Variants in NUP210L observed in about 807,000 individuals in gnomAD.
NUP210L encodes nuclear pore membrane glycoprotein 210-like.
Under a neutral mutation model 208.5 loss-of-function variants are expected in NUP210L, and 74 were observed. That is an observed-to-expected ratio of 0.35 (90% CI 0.29 to 0.43). The LOEUF is 0.43. Among genes scored for constraint, NUP210L ranks in the 20% least tolerant of loss-of-function variants. The pLI, the probability that NUP210L is intolerant of heterozygous loss-of-function variation, is 1.00. For synonymous variants in NUP210L, 780 were observed against 816.9 expected, an observed-to-expected ratio of 0.95 and a Z score of 0.77; for missense variants, 1,843 against 2,289.4, an observed-to-expected ratio of 0.81 and a Z score of 3.98.
intron 29 of NUP210L, 65 bp downstream of exon 29, chr1:154,027,441 T>C: frequency 8.7e-7 from 1 of 1,152,030 alleles, no homozygotes; most frequent in Non-Finnish European, 1.3e-6. Flanking sequence ...TCTTTCTATG[T>C]CAATGTTTTA....
rs906981906 is a variant in NUP210L at position 154,027,424 on chromosome 1, A to G, written c.3947+82T>C. 5 of 991,968 alleles carry G rather than the reference A, an allele frequency of 5.0e-6. No individual in the cohort carries two copies. In the South Asian group the frequency reaches 5.9e-5, roughly 12 times the overall value. 61.4% of individuals were successfully genotyped at this position (991,968 alleles called of 1,614,324 possible). ...TTTGGGAAAAATCTCCTAGAAGGCA[A>G]AAGTGTTCTTTCTATGTCAATGTTT... On this transcript the variant is annotated intron_variant, in intron 29 of 39. Coordinates refer to ENST00000368559, the Ensembl canonical transcript of NUP210L.
chr1:154,133,579 C>A (rs1197481619), intron 7 of NUP210L, among the ~76,000 whole-genome samples: 1 of 151,534 alleles, frequency 6.6e-6, no homozygotes, highest in Non-Finnish European at 1.5e-5. Flanking sequence ...GTGGCTCATG[C>A]CTGGAATCCT....
intron 10 of NUP210L, among the ~76,000 whole-genome samples, chr1:154,124,903 T>C (rs949659677): frequency 1.2e-4 from 18 of 151,988 alleles, no homozygotes; most frequent in Non-Finnish European, 2.2e-4. Flanking sequence ...AGGTAAGCTA[T>C]GATGATGCCA....
intron 2 of NUP210L, among the ~76,000 whole-genome samples, chr1:154,151,259 T>C (rs1044481089): frequency 2.4e-5 from 3 of 124,178 alleles, no homozygotes; most frequent in Non-Finnish European, 3.2e-5. Context: ...AAGATTCTTA[T>C]GTTTGAGACT....
chr1:154,058,027 T>G, intron 22 of NUP210L, 62 bp downstream of exon 22: 1 of 1,571,240 alleles, frequency 6.4e-7, no homozygotes. Context: ...GCTGACCAGG[T>G]CACTAGGAGG....
intron 11 of NUP210L, among the ~76,000 whole-genome samples, 160 bp downstream of exon 11, chr1:154,118,511 T>C (rs770499615): frequency 3.9e-5 from 6 of 152,218 alleles, no homozygotes; most frequent in Admixed American, 1.3e-4. Context: ...AGTCTTGTTA[T>C]AGATGACATT....
At chr1:153,996,962 C>T (rs955177997) in intron 37 of NUP210L, among the ~76,000 whole-genome samples, 5 of 150,656 alleles carry the variant, frequency 3.3e-5, no homozygotes, top group African/African-American at 9.8e-5. Flanking sequence ...CCATCATGTC[C>T]GACTTTTTTT....
intron 14 of NUP210L, among the ~76,000 whole-genome samples, chr1:154,096,078 A>G (rs1336206998): frequency 6.6e-6 from 1 of 152,102 alleles, no homozygotes; most frequent in Non-Finnish European, 1.5e-5. Context: ...TATTTCTCCT[A>G]ATGCTATCCA....
At chr1:154,119,119 C>G (rs1657483034) in intron 10 of NUP210L, among the ~76,000 whole-genome samples, 1 of 151,924 alleles carries the variant, frequency 6.6e-6, no homozygotes, top group Non-Finnish European at 1.5e-5. Flanking sequence ...GTAAGGGAAA[C>G]CATACTTTCA....
intron 9 of NUP210L, among the ~76,000 whole-genome samples, chr1:154,126,708 T>C (rs1274527391): frequency 6.6e-6 from 1 of 152,114 alleles, no homozygotes; most frequent in African/African-American, 2.4e-5. Context: ...TTATGCAAAT[T>C]TTAGTGTAAT....
At chr1:154,068,587 G>A (rs914044934) in intron 17 of NUP210L, among the ~76,000 whole-genome samples, 6 of 152,168 alleles carry the variant, frequency 3.9e-5, no homozygotes, top group Admixed American at 3.9e-4. Flanking sequence ...GGCTGAGGCA[G>A]GAGAATGGCG....
At chr1:154,089,082 G>T (rs111345582) in intron 16 of NUP210L, among the ~76,000 whole-genome samples, 111 of 152,214 alleles carry the variant, frequency 7.3e-4, no homozygotes, top group African/African-American at 2.0e-3. Context: ...ATTATCACAA[G>T]CTGATTATGT....
intron 17 of NUP210L, among the ~76,000 whole-genome samples, chr1:154,062,155 C>A (rs1654175007): frequency 6.6e-6 from 1 of 152,034 alleles, no homozygotes. Flanking sequence ...CTGACCATGC[C>A]AATATGTACC....
exon 3 of NUP210L, chr1:154,143,551 C>T (rs1658962879): frequency 6.2e-7 from 1 of 1,613,918 alleles, no homozygotes; most frequent in African/African-American, 1.3e-5. Context: ...TCAACCTTAA[C>T]ATCACAGCGT....
At chr1:154,072,853 T>C (rs1048313075) in intron 16 of NUP210L, among the ~76,000 whole-genome samples, 17 of 152,164 alleles carry the variant, frequency 1.1e-4, no homozygotes, top group African/African-American at 4.1e-4. Context: ...TTCTAGACTT[T>C]GGCTTAGGCA....
chr1:154,071,305 T>A (rs1163975633), intron 16 of NUP210L, among the ~76,000 whole-genome samples: 1 of 151,906 alleles, frequency 6.6e-6, no homozygotes, highest in African/African-American at 2.4e-5. Context: ...TAAATTTTTT[T>A]ATGTCCGTAA....
chr1:154,137,847 C>T (rs959084092), intron 6 of NUP210L, among the ~76,000 whole-genome samples: 5 of 152,192 alleles, frequency 3.3e-5, no homozygotes, highest in African/African-American at 1.2e-4. Context: ...AAGCGAGAGC[C>T]ACCATGCCTG....
intron 2 of NUP210L, among the ~76,000 whole-genome samples, chr1:154,149,281 T>G (rs1169517735): frequency 6.6e-6 from 1 of 152,084 alleles, no homozygotes; most frequent in African/African-American, 2.4e-5. Flanking sequence ...AGACGGGGTT[T>G]CACCATGTAG....
At chr1:154,129,710 CCTT>C (rs1465462411) in intron 7 of NUP210L, among the ~76,000 whole-genome samples, 1 of 152,204 alleles carries the variant, frequency 6.6e-6, no homozygotes. Context: ...GAGGAAGAGA[CCTT>C]CTGGCTAAAG....
Sources: allele counts gnomAD v4.1 joint callset (sites outside exome capture counted in the v4.1 genomes callset), GRCh38; gene constraint gnomAD v4.1.1; transcripts MANE v1.5; gene names NCBI Gene and HGNC (gene_info 2026-07-23, HGNC 2026-07-21).